The following RGPD3 variants were observed in gnomAD, a reference collection of about 807,000 sequenced individuals.
RGPD3 encodes the protein RANBP2 like and GRIP domain containing 3, also known as ranBP2-like and GRIP domain-containing protein 3.
RGPD3 carries 62 observed loss-of-function variants against 154.5 expected under a neutral mutation model. That is an observed-to-expected ratio of 0.40 (90% CI 0.33 to 0.50). The LOEUF is 0.50. Ranked by LOEUF, RGPD3 falls within the 20% of genes least tolerant of loss-of-function variation. The pLI is 0.59. For missense variants in RGPD3, 919 were observed against 1,716.8 expected, an observed-to-expected ratio of 0.54 and a Z score of 8.21; for synonymous variants, 308 against 607.0, an observed-to-expected ratio of 0.51 and a Z score of 7.24.
rs1380956644 is a variant in RGPD3 at position 106,434,359 on chromosome 2, C to T, written c.2074G>A (p.Ala692Thr). The T allele has an allele frequency of 1.2e-6, 2 of 1,611,336 alleles. No homozygotes were observed. The highest frequency in any genetic ancestry group is 1.7e-6 in the Non-Finnish European group (2 of 1,179,604). The change falls in exon 15 of 23, where the codon GCA (alanine) becomes ACA (threonine). Residue 692 changes from alanine to threonine, a missense_variant. Coordinates refer to ENST00000409886, the MANE Select transcript of RGPD3 (RefSeq NM_001144013.2). Reference protein sequence around the residue: ...WNLALIFHRKAEDIANDALSP... With the variant: ...WNLALIFHRKTEDIANDALSP... ...AGGGCATCATTTGCAATGTCTTCTGCCTTCCTGTGAAAAATCTATACAAAT... is the reference window on the plus strand; with the variant it reads ...AGGGCATCATTTGCAATGTCTTCTGTCTTCCTGTGAAAAATCTATACAAAT...
intron 22 of RGPD3, among the ~76,000 whole-genome samples, chr2:106,406,684 C>CAT (rs1385991675): frequency 2.0e-5 from 3 of 151,930 alleles, no homozygotes; most frequent in African/African-American, 7.2e-5. Flanking sequence ...TTTTAAAGTG[C>CAT]ATAATTCACT....
chr2:106,458,883 T>C (rs1678316751), intron 2 of RGPD3, among the ~76,000 whole-genome samples: 1 of 99,718 alleles, frequency 1.0e-5, no homozygotes, highest in Non-Finnish European at 2.2e-5. Flanking sequence ...CAAGCTATTC[T>C]CCTGCCTTAC....
chr2:106,414,267 A>G (rs1676754240), intron 21 of RGPD3, among the ~76,000 whole-genome samples: 1 of 152,174 alleles, frequency 6.6e-6, no homozygotes, highest in African/African-American at 2.4e-5. Context: ...CAAACCTAGG[A>G]CCATTTAAAA....
intron 22 of RGPD3, among the ~76,000 whole-genome samples, chr2:106,411,668 A>G (rs1179027183): frequency 6.6e-6 from 1 of 151,746 alleles, no homozygotes; most frequent in African/African-American, 2.4e-5. Context: ...CTCTACTAAA[A>G]ATAGAAAAAT....
intron 6 of RGPD3, among the ~76,000 whole-genome samples, chr2:106,449,739 C>A (rs553341922): frequency 1.3e-5 from 2 of 151,702 alleles, no homozygotes; most frequent in Non-Finnish European, 2.9e-5. Flanking sequence ...CGAGACCAGC[C>A]GGGCGCGGTG....
At chr2:106,466,963 G>A (rs74180273) in intron 1 of RGPD3, among the ~76,000 whole-genome samples, 42,534 of 78,646 alleles carry the variant, frequency 0.54, 13,522 homozygotes, top group East Asian at 0.81. Context: ...CTGAGCCATC[G>A]AGGCCGCCGC....
At position 106,446,548 on chromosome 2, in the gene RGPD3, C is replaced by T. The variant is rs1308940351; in HGVS notation, c.978+870G>A. ...TCGTGCCACTGCACTCCAGCCTGGGCGACAGAGCGAGACTCCATCTCAAAA... is the reference window on the plus strand; with the variant it reads ...TCGTGCCACTGCACTCCAGCCTGGGTGACAGAGCGAGACTCCATCTCAAAA... On this transcript the variant is annotated intron_variant, in intron 7 of 22. Transcript: ENST00000409886. Among the ~76,000 whole-genome samples, 6 of 77,014 alleles carry T rather than the reference C, an allele frequency of 7.8e-5. No homozygotes were observed. In the East Asian group the frequency reaches 1.4e-3, roughly 18 times the overall value. The allele number at this position is 77,014 out of a possible 152,430, so 50.5% of individuals were successfully genotyped here. A position where few individuals can be genotyped will look rare whatever the true frequency, so the allele number is the denominator to read the frequency against.
At chr2:106,420,066 C>T (rs1336263138) in intron 20 of RGPD3, among the ~76,000 whole-genome samples, 2 of 149,766 alleles carry the variant, frequency 1.3e-5, no homozygotes, top group Admixed American at 6.8e-5. Flanking sequence ...CATGCATTTG[C>T]AGCAACTGAA....
intron 18 of RGPD3, 32 bp from the exon 19 acceptor site, chr2:106,426,120 T>C: frequency 1.9e-6 from 3 of 1,592,852 alleles, no homozygotes; most frequent in Non-Finnish European, 2.5e-6. Flanking sequence ...AAGAAAACAC[T>C]GTTAAAGTCT....
chr2:106,420,559 C>T (rs1676949602), intron 20 of RGPD3, among the ~76,000 whole-genome samples: 1 of 152,200 alleles, frequency 6.6e-6, no homozygotes, highest in African/African-American at 2.4e-5. Flanking sequence ...CAAATCAAGA[C>T]ATGCTAACAG....
intron 1 of RGPD3, among the ~76,000 whole-genome samples, 166 bp downstream of exon 1, chr2:106,468,051 C>G (rs915250333): frequency 6.1e-5 from 9 of 146,744 alleles, no homozygotes; most frequent in East Asian, 2.0e-4. Flanking sequence ...CCTGAGCCAT[C>G]GAGGCCGCCG....
intron 19 of RGPD3, 46 bp from the exon 20 acceptor site, chr2:106,425,312 A>G: frequency 3.7e-6 from 6 of 1,608,234 alleles, no homozygotes; most frequent in Non-Finnish European, 8.5e-7. Flanking sequence ...CATGCCCAAA[A>G]TAGTCATGAA....
Position 106,459,270 on chromosome 2 carries a change from A to G in RGPD3, c.135T>C (p.Ala45=). Residue 45 remains alanine, a synonymous_variant, in exon 2 of 23, where the codon GCT becomes GCC. Transcript: ENST00000409886. ...LYYEAKEYDL[A]KKYICTYINV... ...ATGTTACAGTTTGTACTTACTTTTT[A>G]GCAAGATCATATTCTTTAGCTTCAT... 2 of 1,350,202 alleles carry G rather than the reference A, an allele frequency of 1.5e-6. No homozygotes were observed. The highest frequency in any genetic ancestry group is 2.0e-6 in the Non-Finnish European group (2 of 995,136). The allele number at this position is 1,350,202 out of a possible 1,614,324, so 83.6% of individuals were successfully genotyped here.
intron 6 of RGPD3, among the ~76,000 whole-genome samples, chr2:106,449,761 T>A (rs1159576374): frequency 1.3e-5 from 2 of 151,740 alleles, no homozygotes; most frequent in Non-Finnish European, 2.9e-5. Context: ...CTCATGCCTG[T>A]AATCCCAGCA....
At chr2:106,438,708 G>A (rs1300963559) in intron 9 of RGPD3, among the ~76,000 whole-genome samples, 3 of 151,420 alleles carry the variant, frequency 2.0e-5, no homozygotes, top group African/African-American at 2.4e-5. Context: ...CTTGAACCCG[G>A]GAGGCAGAGG....
At chr2:106,465,334 C>T (rs1678535172) in intron 1 of RGPD3, among the ~76,000 whole-genome samples, 1 of 152,186 alleles carries the variant, frequency 6.6e-6, no homozygotes, top group South Asian at 2.1e-4. Flanking sequence ...CCGCTGAAAT[C>T]CCCAGGTTCT....
intron 6 of RGPD3, among the ~76,000 whole-genome samples, chr2:106,451,087 C>CAAAAAAAAAAAA (rs10690405): frequency 1.8e-5 from 2 of 108,596 alleles, no homozygotes; most frequent in Non-Finnish European, 3.6e-5. Context: ...GACTCCCTCT[C>CAAAAAAAAAAAA]AAAAAAAAAA....
chr2:106,441,989 G>T (rs866773940), intron 7 of RGPD3, among the ~76,000 whole-genome samples: 414 of 134,818 alleles, frequency 3.1e-3, no homozygotes, highest in Middle Eastern at 0.028. Context: ...AGACCAGCCT[G>T]AACAACACGG....
At chr2:106,466,010 C>A (rs537398824) in intron 1 of RGPD3, among the ~76,000 whole-genome samples, 1 of 151,936 alleles carries the variant, frequency 6.6e-6, no homozygotes. Flanking sequence ...GTATGACCTC[C>A]GCCGCAGCAT....
Sources: gnomAD v4.1 joint callset for allele counts (sites outside exome capture counted in the v4.1 genomes callset) on GRCh38, gnomAD v4.1.1 for gene constraint, MANE v1.5 for transcripts, NCBI Gene and HGNC (gene_info 2026-07-23, HGNC 2026-07-21) for gene names.